The following CEP250 variants were observed in gnomAD, a reference collection of about 807,000 sequenced individuals.
CEP250 encodes the protein centrosomal protein 250.
Under a neutral mutation model 315.7 loss-of-function variants are expected in CEP250, and 242 were observed. The observed-to-expected ratio is 0.77, with a 90% CI of 0.69 to 0.85. The LOEUF is 0.85. Ranked by LOEUF, CEP250 falls within the 40% of genes least tolerant of loss-of-function variation. CEP250 has a pLI of 0.00. For synonymous variants in CEP250, 1,088 were observed against 1,175.0 expected (o/e 0.93, Z 1.51); for missense variants, 2,515 against 2,886.4 (o/e 0.87, Z 2.95).
intron 7 of CEP250, among the ~76,000 whole-genome samples, chr20:35,466,578 T>C (rs1278127502): frequency 6.6e-6 from 1 of 152,186 alleles, no homozygotes; most frequent in Non-Finnish European, 1.5e-5. Flanking sequence ...AAAGAGCTGT[T>C]ATGGGCCCTG....
At chr20:35,501,797 A>G (rs373757780) in intron 28 of CEP250, 48 bp from the exon 29 acceptor site, 11 of 1,537,776 alleles carry the variant, frequency 7.2e-6, no homozygotes, top group African/African-American at 1.4e-5. Flanking sequence ...TATCCCAAAC[A>G]TGGGTCTTAC....
Position 35,467,057 on chromosome 20 carries a change from A to G in CEP250, c.584A>G (p.Lys195Arg), listed in dbSNP as rs1488844180. Residue 195 changes from lysine (K) to arginine (R), a missense_variant, in exon 8 of 35, where the codon AAG becomes AGG. Transcript: ENST00000397527. ...VTFRRHFLEMKSATDRDLMEL... is the reference protein window; with the variant it reads ...VTFRRHFLEMRSATDRDLMEL... ...TTCCGACGCCACTTCCTGGAAATGA[A>G]GTCAGCTACTGACAGGTCAGTGTGG... The G allele has an allele frequency of 1.2e-6, 2 of 1,612,810 alleles. No individual in the cohort carries two copies. The highest frequency in any genetic ancestry group is 1.1e-5 in the South Asian group (1 of 91,060).
At position 35,502,906 on chromosome 20, in the gene CEP250, C is replaced by T; in HGVS notation, c.4537C>T (p.Leu1513Phe). ...TGTGCAGAGGGAGCAGATCAGAGAG[C>T]TCGAGAAGGATCGGGAGACTCAGAG... ...LTVQREQIRE[L>F]EKDRETQRNV... Residue 1513 changes from leucine to phenylalanine, a missense_variant, in exon 30 of 35, where the codon CTC (leucine) becomes TTC (phenylalanine). Coordinates refer to ENST00000397527, the MANE Select transcript of CEP250 (RefSeq NM_007186.6). 1.2e-6 allele frequency: 2 copies of T among 1,614,180 alleles called. No homozygotes were observed.
At chr20:35,460,895 C>A (rs553776979) in intron 3 of CEP250, among the ~76,000 whole-genome samples, 1 of 152,258 alleles carries the variant, frequency 6.6e-6, no homozygotes, top group East Asian at 1.9e-4. Flanking sequence ...TTAGACAGCT[C>A]CTGCCTTTGA....
rs753121213 is a variant in CEP250, at chr20:35,501,907, A to T, written c.3961A>T (p.Thr1321Ser). ...ATCTGAGCTGATGGAACTACATGAA[A>T]CTATGGCATCCTTACAGAGTCGCCT... Reference protein sequence around the residue: ...LESELMELHETMASLQSRLRR... With the variant: ...LESELMELHESMASLQSRLRR... Residue 1321 changes from threonine (T) to serine (S), a missense_variant, in exon 29 of 35, where the codon ACT becomes TCT. Coordinates refer to ENST00000397527, the MANE Select transcript of CEP250 (RefSeq NM_007186.6). The T allele has an allele frequency of 1.2e-6, 2 of 1,613,760 alleles. No homozygotes were observed. The highest frequency in any genetic ancestry group is 2.2e-5 in the South Asian group (2 of 91,072).
chr20:35,462,150 C>T, intron 3 of CEP250, 115 bp from the exon 4 acceptor site: 1 of 390,362 alleles, frequency 2.6e-6, no homozygotes, highest in East Asian at 3.9e-5. Flanking sequence ...GAATGATGCT[C>T]ATCATAGCGC....
chr20:35,510,203 A>C, intron 34 of CEP250, 149 bp downstream of exon 34: 52 of 705,808 alleles, frequency 7.4e-5, no homozygotes, highest in East Asian at 1.9e-4. Flanking sequence ...CCCATCTCTC[A>C]TATGCCTAGG....
rs1385126717 is a variant in CEP250, at chr20:35,518,746, T to G, written c.*7120T>G. The G allele has an allele frequency of 6.6e-6, 1 of 152,086 alleles. No individual in the cohort carries two copies. The highest frequency in any genetic ancestry group is 1.5e-5 in the Non-Finnish European group (1 of 68,012). The allele number at this position is 152,086 out of a possible 1,614,324, so 9.4% of individuals were successfully genotyped here. On this transcript the variant is annotated 3_prime_UTR_variant, in exon 35 of 35. Transcript: ENST00000397527. The stretch of plus-strand genomic sequence containing the variant: ...AGAAAAAGTATTTAGAAGACAAAAA[T>G]CAGGCTGAGTGCAGTGGCTCACGCC...
chr20:35,481,543 A>G (rs1035424263), intron 20 of CEP250, among the ~76,000 whole-genome samples: 4 of 151,676 alleles, frequency 2.6e-5, no homozygotes, highest in African/African-American at 7.3e-5. Context: ...TATACAGTCA[A>G]TATTTGTTCA....
At chr20:35,465,980 G>A (rs2062868313) in intron 6 of CEP250, 59 bp from the exon 7 acceptor site, 1 of 1,589,078 alleles carries the variant, frequency 6.3e-7, no homozygotes, top group Non-Finnish European at 8.6e-7. Flanking sequence ...ACTCCCAGGA[G>A]GTCCAAGGGT....
At chr20:35,478,293 G>A (rs1470485779) in intron 17 of CEP250, among the ~76,000 whole-genome samples, 192 bp downstream of exon 17, 2 of 152,158 alleles carry the variant, frequency 1.3e-5, no homozygotes, top group African/African-American at 2.4e-5. Context: ...GAGGCTGGGC[G>A]CAGTGGCTCA....
At chr20:35,473,638 T>G (rs1267451028) in intron 13 of CEP250, 86 bp downstream of exon 13, 1 of 1,371,122 alleles carries the variant, frequency 7.3e-7, no homozygotes, top group African/African-American at 1.5e-5. Context: ...CCCATCAGGT[T>G]TTTGGGGTGC....
rs1489162003 is a variant in CEP250 at position 35,470,604 on chromosome 20, T to A, written c.948+618T>A. Among the ~76,000 whole-genome samples, 5 of 151,932 alleles carry A rather than the reference T, an allele frequency of 3.3e-5. No homozygotes were observed. The East Asian group carries it at 9.6e-4, about 29-fold the overall frequency. ...GTCTCTACTAAAAAAATAAAAAAAATTAGCCGGTCGTGGTGGCACATGCCT... is the reference window on the plus strand; with the variant it reads ...GTCTCTACTAAAAAAATAAAAAAAAATAGCCGGTCGTGGTGGCACATGCCT... On this transcript the variant is annotated intron_variant, in intron 10 of 34. Transcript: ENST00000397527.
At chr20:35,484,612 G>T (rs2063452312) in intron 20 of CEP250, among the ~76,000 whole-genome samples, 1 of 149,878 alleles carries the variant, frequency 6.7e-6, no homozygotes, top group Admixed American at 6.6e-5. Flanking sequence ...CCAGAGATAG[G>T]CATTTTTTTT....
intron 20 of CEP250, among the ~76,000 whole-genome samples, chr20:35,487,082 A>G (rs114253342): frequency 0.011 from 1,717 of 152,042 alleles, 35 homozygotes; most frequent in African/African-American, 0.039. Flanking sequence ...TTATTTCTCT[A>G]TGATTGAGCA....
At chr20:35,501,810 CACTACCT>C (rs2064012203) in intron 28 of CEP250, 28 bp from the exon 29 acceptor site, 1 of 1,505,938 alleles carries the variant, frequency 6.6e-7, no homozygotes, top group African/African-American at 1.8e-5. Context: ...GGTCTTACTC[CACTACCT>C]CTCCTCTCCT....
At chr20:35,505,155 C>G in intron 30 of CEP250, 150 bp downstream of exon 30, 1 of 665,062 alleles carries the variant, frequency 1.5e-6, no homozygotes, top group Non-Finnish European at 2.5e-6. Flanking sequence ...ATTCAGGCTA[C>G]TGTGCTAGTC....
At chr20:35,474,216 A>G (rs2063107592) in intron 14 of CEP250, among the ~76,000 whole-genome samples, 164 bp downstream of exon 14, 1 of 152,224 alleles carries the variant, frequency 6.6e-6, no homozygotes, top group Non-Finnish European at 1.5e-5. Flanking sequence ...TGAATATGGA[A>G]AGTTCGTGGT....
At chr20:35,467,179 G>GGGGGGGGGGCGCCCC in intron 8 of CEP250, 107 bp downstream of exon 8, 1 of 534,892 alleles carries the variant, frequency 1.9e-6, no homozygotes, top group Non-Finnish European at 3.5e-6. Context: ...GGTGGGTGGG[G>GGGGGGGGGGCGCCCC]GAGTTGGTAG....
Sources: gnomAD v4.1 joint callset for allele counts (sites outside exome capture counted in the v4.1 genomes callset) on GRCh38, gnomAD v4.1.1 for gene constraint, MANE v1.5 for transcripts, NCBI Gene and HGNC (gene_info 2026-07-23, HGNC 2026-07-21) for gene names.